ADGRG4: variants seen among roughly 807,000 people sequenced by gnomAD.
The protein encoded by ADGRG4 is G protein-coupled receptor 112.
Under a neutral mutation model 126.2 loss-of-function variants are expected in ADGRG4, and 122 were observed. The observed-to-expected ratio is 0.97, with a 90% CI of 0.83 to 1.12. ADGRG4 has a LOEUF of 1.12. Among genes scored for constraint, ADGRG4 ranks in the 50% most tolerant of loss-of-function variants. The pLI, the probability that ADGRG4 is intolerant of heterozygous loss-of-function variation, is 0.00. For synonymous variants in ADGRG4, 943 were observed against 838.7 expected (o/e 1.12, Z -2.15); for missense variants, 2,481 against 2,251.8 (o/e 1.10, Z -2.06).
intron 16 of ADGRG4, among the ~76,000 whole-genome samples, chrX:136,388,156 C>T (rs895193248): frequency 2.7e-5 from 3 of 112,127 alleles, no homozygotes; most frequent in East Asian, 5.6e-4. Context: ...AAAAGAACAG[C>T]GAGTTCTCCT....
chrX:136,411,986 G>A (rs2075448497), intron 23 of ADGRG4, among the ~76,000 whole-genome samples: 1 of 113,008 alleles, frequency 8.8e-6, no homozygotes, highest in Non-Finnish European at 1.9e-5. Context: ...ATGCCAGGAT[G>A]TGGGGATCAT....
intron 5 of ADGRG4, among the ~76,000 whole-genome samples, chrX:136,343,319 T>A (rs2074991171): frequency 9.0e-6 from 1 of 110,843 alleles, no homozygotes; most frequent in South Asian, 3.9e-4. Context: ...AGTTGGAGAA[T>A]GTTGAGCTTG....
chrX:136,328,413 A>G (rs982351206), intron 5 of ADGRG4, among the ~76,000 whole-genome samples: 1 of 112,341 alleles, frequency 8.9e-6, no homozygotes. Context: ...ACTCAGACAC[A>G]TGATCAAACA....
Position 136,359,472 on chromosome X carries a change from G to T in ADGRG4, c.7144+17G>T. On this transcript the variant is annotated intron_variant, in intron 11 of 25. Coordinates refer to ENST00000394143, the MANE Select transcript of ADGRG4 (RefSeq NM_153834.4). ...AAAAACTAGGTAATTTTTTTGGGGG[G>T]TGGATATTGCAGTATGAACTTACTT... 1 of 1,155,845 alleles carries T rather than the reference G, an allele frequency of 8.7e-7. No homozygotes were observed.
chrX:136,342,839 T>C, intron 5 of ADGRG4, among the ~76,000 whole-genome samples: 1 of 109,353 alleles, frequency 9.1e-6, no homozygotes, highest in Admixed American at 9.8e-5. Flanking sequence ...AAAATTTTCT[T>C]TTTATCCTAT....
intron 17 of ADGRG4, among the ~76,000 whole-genome samples, chrX:136,392,740 T>G (rs993580913): frequency 2.7e-5 from 3 of 112,265 alleles, no homozygotes; most frequent in African/African-American, 9.7e-5. Context: ...ACCAAAGAAC[T>G]AAAAGCATAG....
chrX:136,369,579 T>C (rs1242194687), intron 13 of ADGRG4, among the ~76,000 whole-genome samples: 3 of 112,452 alleles, frequency 2.7e-5, no homozygotes, highest in Non-Finnish European at 5.6e-5. Flanking sequence ...ATTGCACCAC[T>C]GAAGCCCAAA....
At chrX:136,415,063 T>A (rs1038026688) in intron 25 of ADGRG4, among the ~76,000 whole-genome samples, 7 of 112,112 alleles carry the variant, frequency 6.2e-5, no homozygotes, top group Admixed American at 1.9e-4. Context: ...CTGTGATGAG[T>A]CTGCATTGTG....
chrX:136,375,032 C>T (rs2075217283), intron 15 of ADGRG4, among the ~76,000 whole-genome samples: 1 of 109,764 alleles, frequency 9.1e-6, no homozygotes, highest in African/African-American at 3.3e-5. Flanking sequence ...TCCTTCACCC[C>T]CCCCACCACT....
At chrX:136,362,545 A>C (rs2075134797) in intron 12 of ADGRG4, among the ~76,000 whole-genome samples, 1 of 110,948 alleles carries the variant, frequency 9.0e-6, no homozygotes, top group Admixed American at 9.6e-5. Flanking sequence ...TTAAGTCCAA[A>C]CCCCTAAATA....
chrX:136,350,493 T>G (rs1394485528), intron 6 of ADGRG4, 60 bp downstream of exon 6: 4 of 1,088,795 alleles, frequency 3.7e-6, no homozygotes, highest in Non-Finnish European at 4.9e-6. Context: ...ATGGGTCATG[T>G]GTTCTCCAAA....
In ADGRG4 at chrX:136,403,106, T is replaced by C. The variant is rs776160342; in HGVS notation, c.8576-138T>C. On this transcript the variant is annotated intron_variant, in intron 21 of 25. Coordinates refer to ENST00000394143, the MANE Select transcript of ADGRG4 (RefSeq NM_153834.4). The stretch of plus-strand genomic sequence containing the variant: ...AACTTGGAAGAATTCACAAACATTT[T>C]GCAAACAATAGTATTTTGATGCCCG... The C allele has an allele frequency of 2.2e-5, 10 of 449,662 alleles. No homozygotes were observed. In the South Asian group the frequency reaches 4.2e-4, roughly 19 times the overall value. The allele number at this position is 449,662 out of a possible 1,213,427, so 37.1% of individuals were successfully genotyped here.
chrX:136,413,243 C>A (rs1337768833), intron 24 of ADGRG4, among the ~76,000 whole-genome samples: 1 of 101,504 alleles, frequency 9.9e-6, no homozygotes, highest in Non-Finnish European at 2.0e-5. Flanking sequence ...CCCCCCTCCC[C>A]GCACCCCACA....
chrX:136,313,149 T>C (rs1338369185), intron 4 of ADGRG4, among the ~76,000 whole-genome samples: 1 of 112,601 alleles, frequency 8.9e-6, no homozygotes, highest in Non-Finnish European at 1.9e-5. Flanking sequence ...GCATATGCTT[T>C]CATTTCTTTT....
In ADGRG4 at chrX:136,322,851, C is replaced by A. The variant is rs771841205; in HGVS notation, c.144C>A (p.Thr48=). ...RGDTYVSLID[T]IPELSRFTAC... is the part of the protein sequence containing the mutation. ...ACACATATGTAAGCCTGATAGATAC[C>A]ATTCCTGAACTCAGCCGATTCACAG... The change falls in exon 5 of 26, where the codon ACC becomes ACA. Residue 48 remains threonine, a synonymous_variant. Coordinates refer to ENST00000394143, the MANE Select transcript of ADGRG4 (RefSeq NM_153834.4). 3 of 1,209,659 alleles carry A rather than the reference C, an allele frequency of 2.5e-6. No homozygotes were observed. The highest frequency in any genetic ancestry group is 4.4e-5 in the Admixed American group (2 of 45,929).
intron 15 of ADGRG4, among the ~76,000 whole-genome samples, chrX:136,383,881 CTTCCTTTCCT>C (rs199828604): frequency 3.8e-5 from 2 of 52,466 alleles, no homozygotes; most frequent in African/African-American, 1.4e-4. Context: ...TTTCTTCTTT[CTTCCTTTCCT>C]TTCCTTTCCT....
Position 136,323,146 on chromosome X carries a change from G to A in ADGRG4, c.439G>A (p.Asp147Asn), listed in dbSNP as rs756169663. The A allele has an allele frequency of 3.3e-6, 4 of 1,211,787 alleles. No homozygotes were observed. The South Asian group carries it at 7.0e-5, about 21-fold the overall frequency. Residue 147 changes from aspartate to asparagine, a missense_variant, in exon 5 of 26, where the codon GAT becomes AAT. Transcript: ENST00000394143. The stretch of plus-strand genomic sequence containing the variant: ...TAAAGAAAGGATACTGGAAGTAACG[G>A]ATCAACCACACAACCTGACACCTCA... ...LNKERILEVT[D>N]QPHNLTPHGT...
At chrX:136,302,500 C>T (rs1028146565) in intron 1 of ADGRG4, among the ~76,000 whole-genome samples, 2 of 111,975 alleles carry the variant, frequency 1.8e-5, no homozygotes, top group African/African-American at 3.2e-5. Context: ...CATAAGTGAA[C>T]GCCTAGAGCC....
In ADGRG4 at chrX:136,363,470, T is replaced by C; in HGVS notation, c.7278-7T>C. 2 of 1,124,271 alleles carry C rather than the reference T, an allele frequency of 1.8e-6. No individual in the cohort carries two copies. Among genetic ancestry groups the C allele is most frequent in the Non-Finnish European group, 2.5e-6 (2 of 815,784 alleles). 92.7% of individuals were successfully genotyped at this position (1,124,271 alleles called of 1,213,427 possible). A position where few individuals can be genotyped will look rare whatever the true frequency, so the allele number is the denominator to read the frequency against. On this transcript the variant is annotated splice_region_variant and splice_polypyrimidine_tract_variant and intron_variant, in intron 12 of 25. Coordinates refer to ENST00000394143, the MANE Select transcript of ADGRG4 (RefSeq NM_153834.4). ...CTGATGAGAAAGCTCTTTCCTCTCTTTTTCAGTTCAATCAGCATCAACACG... is the reference window on the plus strand; with the variant it reads ...CTGATGAGAAAGCTCTTTCCTCTCTCTTTCAGTTCAATCAGCATCAACACG...
Sources: gnomAD v4.1 joint callset for allele counts (sites outside exome capture counted in the v4.1 genomes callset) on GRCh38, gnomAD v4.1.1 for gene constraint, MANE v1.5 for transcripts, NCBI Gene and HGNC (gene_info 2026-07-23, HGNC 2026-07-21) for gene names.